Variants in AKT3 observed in about 807,000 individuals in gnomAD.
AKT3 encodes RAC-gamma serine/threonine-protein kinase.
A neutral mutation model predicts 65.3 loss-of-function variants in AKT3; 15 were observed. The observed-to-expected ratio is 0.23, with a 90% CI of 0.15 to 0.35. The LOEUF (loss-of-function observed/expected upper bound fraction) is 0.35, where lower values mean the gene tolerates loss of function less well. AKT3 is among the 10% of genes least tolerant of loss of function. The pLI is 1.00. For missense variants in AKT3, 243 were observed against 576.5 expected, an observed-to-expected ratio of 0.42 and a Z score of 5.92; for synonymous variants, 206 against 183.8, an observed-to-expected ratio of 1.12 and a Z score of -0.98.
At chr1:243,519,729 T>C (rs1670593696) in intron 12 of AKT3, among the ~76,000 whole-genome samples, 2 of 152,136 alleles carry the variant, frequency 1.3e-5, no homozygotes, top group South Asian at 2.1e-4. Context: ...TCATTAGGCA[T>C]CCACCTTACA....
chr1:243,552,860 T>A lies in AKT3; in HGVS notation c.1032A>T (p.Leu344Phe), dbSNP rs1019736328. 1 of 1,613,976 alleles carries A rather than the reference T, an allele frequency of 6.2e-7. No individual in the cohort carries two copies. The highest frequency in any genetic ancestry group is 8.5e-7 in the Non-Finnish European group (1 of 1,179,994). ...TCTCATGGTCCTGGTTGTAGAAAGG[T>A]AACCTCCCACACATCATTTCATACA... ...VVMYEMMCGR[L>F]PFYNQDHEKL... is the part of the protein sequence containing the mutation. The change falls in exon 11 of 14, where the codon TTA (leucine) becomes TTT (phenylalanine). Residue 344 changes from leucine (L) to phenylalanine (F), a missense_variant. Coordinates refer to ENST00000673466, the MANE Select transcript of AKT3 (RefSeq NM_005465.7).
At chr1:243,743,528 T>G (rs1170100080) in intron 2 of AKT3, among the ~76,000 whole-genome samples, 1 of 152,210 alleles carries the variant, frequency 6.6e-6, no homozygotes, top group East Asian at 1.9e-4. Flanking sequence ...TCACAACTTA[T>G]CAAATACAGA....
intron 2 of AKT3, among the ~76,000 whole-genome samples, chr1:243,722,393 T>A (rs548307810): frequency 1.5e-4 from 23 of 152,314 alleles, no homozygotes; most frequent in African/African-American, 5.5e-4. Flanking sequence ...TTAACATGTC[T>A]AAATATTCTG....
chr1:243,492,688 A>G (rs1485906870), intron 13 of AKT3, among the ~76,000 whole-genome samples: 1 of 142,090 alleles, frequency 7.0e-6, no homozygotes, highest in Non-Finnish European at 1.5e-5. Flanking sequence ...GCCTACTGCA[A>G]CCTCTGCCTC....
At chr1:243,612,895 T>C (rs1193980770) in intron 8 of AKT3, 2 of 151,236 alleles carry the variant, frequency 1.3e-5, no homozygotes, top group African/African-American at 2.4e-5. Flanking sequence ...AAAAATTAGC[T>C]GGGTGTGGCG....
intron 1 of AKT3, chr1:243,843,597 G>C (rs1166429375): frequency 1.0e-5 from 10 of 998,774 alleles, no homozygotes; most frequent in Non-Finnish European, 1.2e-5. Flanking sequence ...GAAGAGGGAA[G>C]AGAATGAAAG....
At chr1:243,668,768 A>G (rs978597409) in intron 3 of AKT3, among the ~76,000 whole-genome samples, 2 of 152,332 alleles carry the variant, frequency 1.3e-5, no homozygotes, top group Non-Finnish European at 2.9e-5. Context: ...CAAAGCAAGA[A>G]GACAGAAAAG....
chr1:243,842,618 T>C (rs1405303401), intron 2 of AKT3, among the ~76,000 whole-genome samples: 3 of 152,218 alleles, frequency 2.0e-5, no homozygotes, highest in Non-Finnish European at 2.9e-5. Flanking sequence ...CTTGTCCTCA[T>C]TTGGCCTTTT....
At position 243,676,102 on chromosome 1, in the gene AKT3, T is replaced by C. The variant is rs558213563; in HGVS notation, c.173-11219A>G. Reference sequence around the variant, plus strand: ...CAAGCAAAACAATTAATTTATAACATAGTAGGTGCTTATAAACAATATGAA... The same window carrying C: ...CAAGCAAAACAATTAATTTATAACACAGTAGGTGCTTATAAACAATATGAA... On this transcript the variant is annotated intron_variant, in intron 3 of 13. Transcript: ENST00000673466. Among the ~76,000 whole-genome samples the C allele has an allele frequency of 1.5e-3, 234 of 152,216 alleles. 2 individuals are homozygous for C. The highest frequency in any genetic ancestry group is 5.5e-3 in the African/African-American group (228 of 41,530).
chr1:243,516,707 G>A (rs574027110), intron 12 of AKT3, among the ~76,000 whole-genome samples: 4 of 150,802 alleles, frequency 2.7e-5, no homozygotes, highest in Admixed American at 6.6e-5. Context: ...CAGCCTCCTT[G>A]AGCAATCCTC....
intron 13 of AKT3, among the ~76,000 whole-genome samples, chr1:243,509,136 G>C (rs963760792): frequency 1.3e-5 from 2 of 152,170 alleles, no homozygotes; most frequent in African/African-American, 4.8e-5. Context: ...CATGATCCAT[G>C]TCTGAAATGA....
intron 2 of AKT3, chr1:243,735,663 T>C (rs1047661055): frequency 1.3e-5 from 2 of 152,202 alleles, no homozygotes; most frequent in Non-Finnish European, 2.9e-5. Flanking sequence ...TCACCAGTCA[T>C]TCTCATAGTT....
intron 2 of AKT3, among the ~76,000 whole-genome samples, chr1:243,713,657 C>A (rs568104077): frequency 6.6e-6 from 1 of 150,592 alleles, no homozygotes; most frequent in Non-Finnish European, 1.5e-5. Flanking sequence ...TCCATCCTAC[C>A]CCCCTAAACA....
chr1:243,611,475 C>G (rs917981846), intron 8 of AKT3, among the ~76,000 whole-genome samples: 1 of 152,090 alleles, frequency 6.6e-6, no homozygotes, highest in African/African-American at 2.4e-5. Flanking sequence ...TTGAGGCCAA[C>G]AGTTCAAGAC....
chr1:243,706,308 T>C (rs1422480417), intron 2 of AKT3, among the ~76,000 whole-genome samples: 2 of 152,188 alleles, frequency 1.3e-5, no homozygotes, highest in Non-Finnish European at 2.9e-5. Flanking sequence ...TGTTAGAACA[T>C]GCCTGATGGA....
In AKT3 at chr1:243,500,908, C is replaced by CACAT. The variant is rs900263514; in HGVS notation, c.*4337_*4340dup. 1 of 228,186 alleles carries CACAT rather than the reference C, an allele frequency of 4.4e-6. No individual in the cohort carries two copies. Among genetic ancestry groups the CACAT allele is most frequent in the African/African-American group, 2.2e-5 (1 of 45,170 alleles). 14.1% of individuals were successfully genotyped at this position (228,186 alleles called of 1,614,324 possible). On this transcript the variant is annotated 3_prime_UTR_variant, in exon 14 of 14. Coordinates refer to ENST00000673466, the MANE Select transcript of AKT3 (RefSeq NM_005465.7). ...CAAATGTGCTAGACATAAAGGCTGT[C>CACAT]ACATAAGATATTTTAATTGTCCTTA...
intron 3 of AKT3, among the ~76,000 whole-genome samples, chr1:243,669,230 GTTC>G (rs1305543021): frequency 2.0e-5 from 3 of 152,126 alleles, no homozygotes; most frequent in Non-Finnish European, 4.4e-5. Flanking sequence ...TGTGTGCACA[GTTC>G]TTCTTATAGC....
chr1:243,826,956 C>T (rs2148438437), intron 2 of AKT3, among the ~76,000 whole-genome samples: 1 of 152,058 alleles, frequency 6.6e-6, no homozygotes, highest in East Asian at 1.9e-4. Flanking sequence ...TTAGGAAGTC[C>T]TAAATAACTT....
chr1:243,644,805 C>T (rs2147841589), intron 5 of AKT3, among the ~76,000 whole-genome samples: 1 of 152,238 alleles, frequency 6.6e-6, no homozygotes, highest in African/African-American at 2.4e-5. Context: ...ACAAAAGAAG[C>T]TTTCTTATCT....
Sources: gnomAD v4.1 joint callset for allele counts (sites outside exome capture counted in the v4.1 genomes callset) on GRCh38, gnomAD v4.1.1 for gene constraint, MANE v1.5 for transcripts, NCBI Gene and HGNC (gene_info 2026-07-23, HGNC 2026-07-21) for gene names.